The following TNS3 variants were observed in gnomAD, a reference collection of about 807,000 sequenced individuals.
The protein encoded by TNS3 is tensin-3.
A neutral mutation model predicts 140.9 loss-of-function variants in TNS3; 45 were observed. That is an observed-to-expected ratio of 0.32 (90% CI 0.25 to 0.41). TNS3 has a LOEUF of 0.41. TNS3 is among the 10% of genes least tolerant of loss of function. The pLI is 1.00. For missense variants in TNS3, 1,716 were observed against 1,906.7 expected, an observed-to-expected ratio of 0.90 and a Z score of 1.86; for synonymous variants, 815 against 788.4, an observed-to-expected ratio of 1.03 and a Z score of -0.56.
chr7:47,414,867 C>T (rs1316016065), intron 11 of TNS3, among the ~76,000 whole-genome samples: 1 of 152,202 alleles, frequency 6.6e-6, no homozygotes, highest in Non-Finnish European at 1.5e-5. Context: ...TTTCTGATCC[C>T]CCTTGCTGGC....
intron 16 of TNS3, among the ~76,000 whole-genome samples, chr7:47,378,401 C>T (rs1303621620): frequency 6.6e-6 from 1 of 152,176 alleles, no homozygotes; most frequent in Non-Finnish European, 1.5e-5. Flanking sequence ...AAAACGTATT[C>T]AGAAGTTCCC....
intron 3 of TNS3, among the ~76,000 whole-genome samples, chr7:47,496,102 AC>A (rs1319390054): frequency 6.6e-6 from 1 of 152,038 alleles, no homozygotes; most frequent in East Asian, 1.9e-4. Context: ...AGAGGAGAGG[AC>A]CCCAGTGAGC....
chr7:47,394,476 G>A (rs1459805952), intron 16 of TNS3, among the ~76,000 whole-genome samples: 5 of 152,238 alleles, frequency 3.3e-5, no homozygotes, highest in Non-Finnish European at 5.9e-5. Flanking sequence ...AGAAATACAC[G>A]CTTGTTGTTT....
intron 1 of TNS3, among the ~76,000 whole-genome samples, chr7:47,578,566 G>C (rs1005857598): frequency 1.3e-5 from 2 of 151,992 alleles, no homozygotes; most frequent in African/African-American, 2.4e-5. Context: ...GGTTGGGGGG[G>C]GGCGGTGGTT....
chr7:47,435,463 C>A, intron 7 of TNS3, 59 bp from the exon 8 acceptor site: 4 of 1,602,578 alleles, frequency 2.5e-6, no homozygotes, highest in Non-Finnish European at 3.4e-6. Context: ...CTGAGGCCAT[C>A]TCACAATGAC....
At chr7:47,577,102 C>T (rs1035253902) in intron 1 of TNS3, among the ~76,000 whole-genome samples, 2 of 152,210 alleles carry the variant, frequency 1.3e-5, no homozygotes, top group African/African-American at 4.8e-5. Flanking sequence ...CACTTTAGTC[C>T]ACCTGGAGGT....
intron 1 of TNS3, among the ~76,000 whole-genome samples, chr7:47,567,814 T>C (rs1800464208): frequency 6.6e-6 from 1 of 151,846 alleles, no homozygotes; most frequent in African/African-American, 2.4e-5. Context: ...TGAAAAGATA[T>C]ATCATGTTCA....
At chr7:47,370,005 C>A (rs1790961735) in intron 16 of TNS3, among the ~76,000 whole-genome samples, 1 of 152,214 alleles carries the variant, frequency 6.6e-6, no homozygotes, top group Non-Finnish European at 1.5e-5. Context: ...TCATCTTAGA[C>A]AAGAAGAGCT....
intron 1 of TNS3, among the ~76,000 whole-genome samples, chr7:47,550,258 A>C (rs1800027445): frequency 6.6e-6 from 1 of 152,202 alleles, no homozygotes; most frequent in Non-Finnish European, 1.5e-5. Context: ...GGAAGGAAGA[A>C]GGGAAATGGG....
intron 1 of TNS3, among the ~76,000 whole-genome samples, chr7:47,558,314 T>C (rs1424561286): frequency 6.6e-6 from 1 of 152,132 alleles, no homozygotes; most frequent in Non-Finnish European, 1.5e-5. Flanking sequence ...CCTGCATTGT[T>C]TTCTTCTTTT....
intron 9 of TNS3, 102 bp downstream of exon 9, chr7:47,428,210 G>T: frequency 1.2e-6 from 1 of 812,494 alleles, no homozygotes; most frequent in Non-Finnish European, 1.8e-6. Context: ...CAGGTCAGCC[G>T]AGCCCTTGGT....
intron 3 of TNS3, among the ~76,000 whole-genome samples, chr7:47,497,716 G>A (rs1002714459): frequency 1.6e-4 from 23 of 139,920 alleles, no homozygotes; most frequent in African/African-American, 4.7e-4. Context: ...AATGTTCACC[G>A]CGTGCTCTTT....
chr7:47,472,269 C>CG lies in TNS3; in HGVS notation c.-76+8833dup. ...AGGGGTTTCAGGTGGACATGAATTTCGGGGGAACACAACTCAACCCCCTGT... is the reference window on the plus strand; with the variant it reads ...AGGGGTTTCAGGTGGACATGAATTTCGGGGGGAACACAACTCAACCCCCTGT... On this transcript the variant is annotated intron_variant, in intron 4 of 30. Coordinates refer to ENST00000311160, the MANE Select transcript of TNS3 (RefSeq NM_022748.12). Among the ~76,000 whole-genome samples the CG allele has an allele frequency of 1.3e-5, 2 of 152,304 alleles. 1 individual carries two copies. Among genetic ancestry groups the CG allele is most frequent in the Admixed American group, 1.3e-4 (2 of 15,300 alleles).
chr7:47,436,242 T>C (rs1795176145), intron 7 of TNS3, among the ~76,000 whole-genome samples: 1 of 152,232 alleles, frequency 6.6e-6, no homozygotes, highest in Non-Finnish European at 1.5e-5. Flanking sequence ...TGAGATACTA[T>C]TATACATAAA....
At chr7:47,534,477 G>GA (rs200004165) in intron 1 of TNS3, among the ~76,000 whole-genome samples, 1,566 of 152,064 alleles carry the variant, frequency 0.01, 24 homozygotes, top group African/African-American at 0.036. Flanking sequence ...CAGTTCATAG[G>GA]AATCACTGGG....
intron 1 of TNS3, among the ~76,000 whole-genome samples, chr7:47,543,037 G>A (rs754091100): frequency 3.3e-5 from 5 of 152,064 alleles, no homozygotes; most frequent in Non-Finnish European, 7.4e-5. Flanking sequence ...CAGAAATTGA[G>A]CCTGGCCCTC....
At chr7:47,340,662 A>C (rs1262237098) in intron 20 of TNS3, among the ~76,000 whole-genome samples, 1 of 146,586 alleles carries the variant, frequency 6.8e-6, no homozygotes, top group Non-Finnish European at 1.5e-5. Flanking sequence ...GCTCACTGCA[A>C]GCTCCGCCTC....
At chr7:47,481,019 T>C (rs1797394868) in intron 4 of TNS3, 84 bp downstream of exon 4, 46 of 1,125,774 alleles carry the variant, frequency 4.1e-5, no homozygotes, top group Non-Finnish European at 5.3e-5. Context: ...AGCCAAAAGA[T>C]CCCCAAAGAG....
intron 13 of TNS3, among the ~76,000 whole-genome samples, chr7:47,401,657 G>A (rs13240918): frequency 0.038 from 5,811 of 152,308 alleles, 137 homozygotes; most frequent in African/African-American, 0.048. Flanking sequence ...TGTGGGGAAC[G>A]GTGGGCAGAG....
Sources: allele counts gnomAD v4.1 joint callset (sites outside exome capture counted in the v4.1 genomes callset), GRCh38; gene constraint gnomAD v4.1.1; transcripts MANE v1.5; gene names NCBI Gene and HGNC (gene_info 2026-07-23, HGNC 2026-07-21).